WWOX: variants seen among roughly 807,000 people sequenced by gnomAD.
The protein encoded by WWOX is WW domain-containing oxidoreductase.
WWOX carries 69 observed loss-of-function variants against 46.2 expected under a neutral mutation model. The observed-to-expected ratio is 1.49, with a 90% CI of 1.23 to 1.82. The LOEUF is 1.82. Ranked by LOEUF, WWOX falls within the 40% of genes most tolerant of loss-of-function variation. The pLI, the probability that WWOX is intolerant of heterozygous loss-of-function variation, is 0.00. For synonymous variants in WWOX, 359 were observed against 202.6 expected, an observed-to-expected ratio of 1.77 and a Z score of -6.56; for missense variants, 919 against 542.6, an observed-to-expected ratio of 1.69 and a Z score of -6.89.
intron 8 of WWOX, among the ~76,000 whole-genome samples, chr16:79,073,467 A>T (rs1274901268): frequency 6.6e-6 from 1 of 152,128 alleles, no homozygotes; most frequent in Non-Finnish European, 1.5e-5. Context: ...AGCATGAGCC[A>T]CCGCGCCTGG....
intron 8 of WWOX, among the ~76,000 whole-genome samples, chr16:78,546,572 T>C (rs945831405): frequency 6.6e-6 from 1 of 152,232 alleles, no homozygotes; most frequent in East Asian, 1.9e-4. Context: ...TAATTAATTC[T>C]CAAAACTTCT....
chr16:78,559,980 C>G (rs373899775), intron 8 of WWOX, among the ~76,000 whole-genome samples: 16 of 152,292 alleles, frequency 1.1e-4, no homozygotes, highest in African/African-American at 3.8e-4. Context: ...TAGCCAAGGT[C>G]TCTGGAGTTT....
chr16:78,196,399 G>C (rs973187615), intron 5 of WWOX, among the ~76,000 whole-genome samples: 5 of 152,144 alleles, frequency 3.3e-5, no homozygotes, highest in Non-Finnish European at 7.3e-5. Context: ...AGTAATTACT[G>C]CTGTACTCTT....
intron 8 of WWOX, among the ~76,000 whole-genome samples, chr16:78,938,204 C>G (rs112023096): frequency 1.3e-5 from 2 of 152,284 alleles, no homozygotes; most frequent in East Asian, 3.9e-4. Context: ...GTGTGAAATA[C>G]ATGAAGGCAG....
At chr16:79,037,953 G>T (rs1376868240) in intron 8 of WWOX, among the ~76,000 whole-genome samples, 1 of 151,802 alleles carries the variant, frequency 6.6e-6, no homozygotes, top group African/African-American at 2.4e-5. Context: ...TTTCTTTTCT[G>T]GTTCTGTTCC....
At chr16:78,569,959 T>G (rs960991446) in intron 8 of WWOX, among the ~76,000 whole-genome samples, 1 of 152,172 alleles carries the variant, frequency 6.6e-6, no homozygotes, top group African/African-American at 2.4e-5. Context: ...ATTTCACATG[T>G]GATAAGAGAT....
At chr16:78,822,284 A>G (rs750385128) in intron 8 of WWOX, among the ~76,000 whole-genome samples, 2 of 152,186 alleles carry the variant, frequency 1.3e-5, no homozygotes, top group Non-Finnish European at 2.9e-5. Flanking sequence ...ATCTGAGGTC[A>G]GGAGTTCAAG....
In WWOX at chr16:78,344,986, A is replaced by G. The variant is rs559337340; in HGVS notation, c.517-41874A>G. Among the ~76,000 whole-genome samples the G allele has an allele frequency of 1.7e-4, 20 of 120,292 alleles. 4 individuals are homozygous for G. Among genetic ancestry groups the G allele is most frequent in the African/African-American group, 5.1e-4 (18 of 35,546 alleles). The allele number at this position is 120,292 out of a possible 152,430, so 78.9% of individuals were successfully genotyped here. ...TCTCTGAGCAAGCTTCCATTTTTCCAGGTGAAAACGGGAGTTTAGCCTAGT... is the reference window on the plus strand; with the variant it reads ...TCTCTGAGCAAGCTTCCATTTTTCCGGGTGAAAACGGGAGTTTAGCCTAGT... On this transcript the variant is annotated intron_variant, in intron 5 of 8. Transcript: ENST00000566780.
At chr16:78,442,340 G>T (rs1597091480) in intron 8 of WWOX, among the ~76,000 whole-genome samples, 1 of 151,834 alleles carries the variant, frequency 6.6e-6, no homozygotes, top group South Asian at 2.1e-4. Context: ...TATTACTATC[G>T]TTAACTGTAT....
At chr16:78,757,143 C>G (rs374374870) in intron 8 of WWOX, 1 of 630,782 alleles carries the variant, frequency 1.6e-6, no homozygotes, top group Non-Finnish European at 2.8e-6. Context: ...CTAAGCTGCT[C>G]ACAAGTTTCT....
chr16:78,242,204 G>T (rs2037674164), intron 5 of WWOX, among the ~76,000 whole-genome samples: 1 of 152,138 alleles, frequency 6.6e-6, no homozygotes, highest in Admixed American at 6.5e-5. Flanking sequence ...GGGCTAAACA[G>T]CCACTTTGTA....
intron 5 of WWOX, among the ~76,000 whole-genome samples, chr16:78,194,381 A>G (rs2035980555): frequency 1.3e-5 from 2 of 151,564 alleles, no homozygotes; most frequent in South Asian, 2.1e-4. Flanking sequence ...TGAGGTCAGG[A>G]GTTCAAGACC....
At chr16:78,920,252 C>G (rs9936773) in intron 8 of WWOX, among the ~76,000 whole-genome samples, 3,614 of 152,260 alleles carry the variant, frequency 0.024, 138 homozygotes, top group African/African-American at 0.083. Context: ...GGACGTGACA[C>G]CTGACATTTC....
At chr16:78,318,263 C>T (rs981373390) in intron 5 of WWOX, among the ~76,000 whole-genome samples, 2 of 109,160 alleles carry the variant, frequency 1.8e-5, no homozygotes, top group Non-Finnish European at 1.8e-5. Flanking sequence ...AGCCCTCCGT[C>T]TGGGAGGAAT....
In WWOX at chr16:78,820,084, T is replaced by G. The variant is rs568711488; in HGVS notation, c.1056+387332T>G. Among the ~76,000 whole-genome samples the G allele has an allele frequency of 6.6e-5, 10 of 152,310 alleles. No individual in the cohort carries two copies. In the South Asian group the frequency reaches 1.9e-3, roughly 28 times the overall value. On this transcript the variant is annotated intron_variant, in intron 8 of 8. Transcript: ENST00000566780. ...CTGTACTGTCATCGTTATCATTCCT[T>G]TGATAACCGTGAGCACCTGTCATGG...
chr16:79,100,177 A>C (rs1160588670), intron 8 of WWOX, among the ~76,000 whole-genome samples: 1 of 152,166 alleles, frequency 6.6e-6, no homozygotes, highest in African/African-American at 2.4e-5. Context: ...GGATAACTGG[A>C]AACTATAGCC....
At chr16:78,894,020 TTTATTA>T (rs6145911) in intron 8 of WWOX, among the ~76,000 whole-genome samples, 6 of 140,080 alleles carry the variant, frequency 4.3e-5, no homozygotes, top group African/African-American at 1.6e-4. Context: ...TATTGAGGCT[TTTATTA>T]TTATTATTAT....
At chr16:78,667,664 C>G (rs2047362975) in intron 8 of WWOX, among the ~76,000 whole-genome samples, 1 of 124,594 alleles carries the variant, frequency 8.0e-6, no homozygotes, top group African/African-American at 3.6e-5. Context: ...GAGTGAGACT[C>G]CGTCTCAAAA....
chr16:78,667,958 C>T (rs931939862), intron 8 of WWOX, among the ~76,000 whole-genome samples: 1 of 152,128 alleles, frequency 6.6e-6, no homozygotes, highest in African/African-American at 2.4e-5. Flanking sequence ...TCAGCCAAAG[C>T]TCTTCTTAAA....
Sources: gnomAD v4.1 joint callset for allele counts (sites outside exome capture counted in the v4.1 genomes callset) on GRCh38, gnomAD v4.1.1 for gene constraint, MANE v1.5 for transcripts, NCBI Gene and HGNC (gene_info 2026-07-23, HGNC 2026-07-21) for gene names.